GRIK1: variants seen among roughly 807,000 people sequenced by gnomAD.
GRIK1 encodes glutamate ionotropic receptor kainate type subunit 1.
Under a neutral mutation model 105.7 loss-of-function variants are expected in GRIK1, and 69 were observed. The ratio of observed to expected loss-of-function variants is 0.65; its 90% CI spans 0.54 to 0.80. GRIK1 has a LOEUF of 0.80. GRIK1 is among the 30% of genes least tolerant of loss of function. GRIK1 has a pLI of 0.00. For missense variants in GRIK1, 1,109 were observed against 1,167.3 expected, an observed-to-expected ratio of 0.95 and a Z score of 0.73; for synonymous variants, 438 against 431.3, an observed-to-expected ratio of 1.02 and a Z score of -0.19.
intron 1 of GRIK1, among the ~76,000 whole-genome samples, chr21:29,897,193 T>A (rs1013335247): frequency 6.6e-6 from 1 of 152,212 alleles, no homozygotes; most frequent in African/African-American, 2.4e-5. Flanking sequence ...GTGTTATTAA[T>A]GACTTAGAAA....
intron 1 of GRIK1, among the ~76,000 whole-genome samples, chr21:29,711,628 G>T (rs185284906): frequency 1.7e-4 from 26 of 152,136 alleles, no homozygotes; most frequent in Admixed American, 1.7e-3. Context: ...TGTCATTTTA[G>T]CTGTTGAAAT....
chr21:29,888,169 C>CTTT (rs1417960141), intron 1 of GRIK1, among the ~76,000 whole-genome samples: 1 of 6,262 alleles, frequency 1.6e-4, no homozygotes, highest in Non-Finnish European at 6.0e-4. Context: ...TTTTTTCTTT[C>CTTT]TTTCTTTCTT....
At chr21:29,908,265 C>T (rs1006178927) in intron 1 of GRIK1, among the ~76,000 whole-genome samples, 1 of 152,026 alleles carries the variant, frequency 6.6e-6, no homozygotes, top group African/African-American at 2.4e-5. Context: ...TTTATAATTT[C>T]CCTAATTCTC....
At chr21:29,890,361 G>A (rs1442462100) in intron 1 of GRIK1, among the ~76,000 whole-genome samples, 1 of 152,096 alleles carries the variant, frequency 6.6e-6, no homozygotes, top group African/African-American at 2.4e-5. Flanking sequence ...ATTTTTGGCA[G>A]AAACTTCTTT....
chr21:29,622,707 T>C (rs1356235673), intron 7 of GRIK1, among the ~76,000 whole-genome samples: 2 of 152,206 alleles, frequency 1.3e-5, no homozygotes, highest in African/African-American at 4.8e-5. Context: ...ATATTTGATT[T>C]CTCCTAGTTT....
chr21:29,553,639 A>T, intron 16 of GRIK1: 1 of 1,609,688 alleles, frequency 6.2e-7, no homozygotes, highest in Non-Finnish European at 8.5e-7. Context: ...TAGATAAAGT[A>T]GTTCCAGAAG....
intron 1 of GRIK1, among the ~76,000 whole-genome samples, chr21:29,803,108 G>A (rs762524668): frequency 1.3e-5 from 2 of 152,064 alleles, no homozygotes; most frequent in Admixed American, 6.6e-5. Context: ...AATTTGATGA[G>A]TGGATAACTA....
intron 1 of GRIK1, among the ~76,000 whole-genome samples, chr21:29,891,862 A>G (rs2069911644): frequency 6.6e-6 from 1 of 152,260 alleles, no homozygotes; most frequent in South Asian, 2.1e-4. Flanking sequence ...AGGAAAATGT[A>G]CAAATACAGT....
intron 1 of GRIK1, among the ~76,000 whole-genome samples, chr21:29,833,553 C>T (rs1256717045): frequency 6.6e-6 from 1 of 152,148 alleles, no homozygotes; most frequent in East Asian, 1.9e-4. Flanking sequence ...AGCAGCTCAT[C>T]TTACATGGCT....
chr21:29,599,427 C>T (rs975247738), intron 7 of GRIK1, among the ~76,000 whole-genome samples: 3 of 152,128 alleles, frequency 2.0e-5, no homozygotes, highest in African/African-American at 4.8e-5. Flanking sequence ...TATAATTTCC[C>T]GTGGCTGCTG....
intron 11 of GRIK1, among the ~76,000 whole-genome samples, 161 bp from the exon 12 acceptor site, chr21:29,587,750 T>C (rs1601191902): frequency 6.6e-6 from 1 of 152,134 alleles, no homozygotes. Context: ...ATTTATACAG[T>C]TATGTTTATG....
chr21:29,672,887 T>C (rs1032841409), intron 4 of GRIK1, 96 bp downstream of exon 4: 24 of 861,640 alleles, frequency 2.8e-5, no homozygotes, highest in Non-Finnish European at 4.4e-5. Context: ...CTGCTGCAGT[T>C]TTATTATGCT....
At chr21:29,548,586 C>CT (rs1453179973) in intron 16 of GRIK1, among the ~76,000 whole-genome samples, 31 of 152,008 alleles carry the variant, frequency 2.0e-4, no homozygotes, top group Admixed American at 2.6e-4. Context: ...CTTTGCTTTC[C>CT]TTTTGCTGTT....
intron 3 of GRIK1, among the ~76,000 whole-genome samples, chr21:29,686,738 AG>A (rs2063493248): frequency 6.6e-6 from 1 of 152,142 alleles, no homozygotes; most frequent in African/African-American, 2.4e-5. Flanking sequence ...TCACAGAAAA[AG>A]TTTGCTGATC....
chr21:29,575,003 G>T (rs1031501602), intron 14 of GRIK1, among the ~76,000 whole-genome samples: 7 of 151,928 alleles, frequency 4.6e-5, no homozygotes, highest in Admixed American at 1.3e-4. Context: ...CTAAATAAAT[G>T]ATACACTTCT....
At chr21:29,861,451 A>C (rs893308407) in intron 1 of GRIK1, among the ~76,000 whole-genome samples, 2 of 152,084 alleles carry the variant, frequency 1.3e-5, no homozygotes, top group Non-Finnish European at 2.9e-5. Context: ...GACTACAGGC[A>C]CATGCCACTA....
At chr21:29,877,938 G>T (rs969382705) in intron 1 of GRIK1, among the ~76,000 whole-genome samples, 1 of 152,090 alleles carries the variant, frequency 6.6e-6, no homozygotes, top group African/African-American at 2.4e-5. Flanking sequence ...GAAAAAACAC[G>T]ATAAAAGAAG....
intron 1 of GRIK1, chr21:29,763,702 A>T (rs755624070): frequency 2.6e-5 from 4 of 152,238 alleles, no homozygotes; most frequent in Non-Finnish European, 5.9e-5. Context: ...GGCAAGAATA[A>T]GGAAACTGGA....
At chr21:29,557,904 G>A (rs1488115983) in intron 15 of GRIK1, among the ~76,000 whole-genome samples, 1 of 152,172 alleles carries the variant, frequency 6.6e-6, no homozygotes, top group African/African-American at 2.4e-5. Flanking sequence ...AATCCTAGGA[G>A]CATACACAGT....
Sources: gnomAD v4.1 joint callset for allele counts (sites outside exome capture counted in the v4.1 genomes callset) on GRCh38, gnomAD v4.1.1 for gene constraint, MANE v1.5 for transcripts, NCBI Gene and HGNC (gene_info 2026-07-23, HGNC 2026-07-21) for gene names.